KLHL2: variants seen among roughly 807,000 people sequenced by gnomAD.
The protein encoded by KLHL2 is kelch like family member 2.
Under a neutral mutation model 75.8 loss-of-function variants are expected in KLHL2, and 15 were observed. The observed-to-expected ratio is 0.20, with a 90% CI of 0.13 to 0.30. The LOEUF (loss-of-function observed/expected upper bound fraction) is 0.30. Ranked by LOEUF, KLHL2 falls within the 10% of genes least tolerant of loss-of-function variation. The pLI is 1.00. For synonymous variants in KLHL2, 214 were observed against 251.9 expected, an observed-to-expected ratio of 0.85 and a Z score of 1.42; for missense variants, 381 against 741.0, an observed-to-expected ratio of 0.51 and a Z score of 5.64.
rs571535293 is a variant in KLHL2 at position 165,226,530 on chromosome 4, A to G, written c.153-2277A>G. On this transcript the variant is annotated intron_variant, in intron 2 of 14. Transcript: ENST00000226725. ...ATTACGGTGCTTTCCACTTTATCCTATAATTTTTGCATTGCCAGTTTTTTC... is the reference window on the plus strand; with the variant it reads ...ATTACGGTGCTTTCCACTTTATCCTGTAATTTTTGCATTGCCAGTTTTTTC... Among the ~76,000 whole-genome samples, 4 of 152,062 alleles carry G rather than the reference A, an allele frequency of 2.6e-5. No individual in the cohort carries two copies. In the South Asian group the frequency reaches 8.3e-4, roughly 32 times the overall value.
intron 2 of KLHL2, among the ~76,000 whole-genome samples, chr4:165,224,259 A>G: frequency 6.6e-6 from 1 of 152,018 alleles, no homozygotes; most frequent in Non-Finnish European, 1.5e-5. Context: ...TTTTTAGGCT[A>G]TAGGATAAGA....
At chr4:165,251,063 A>C (rs1740664251) in intron 4 of KLHL2, among the ~76,000 whole-genome samples, 1 of 144,010 alleles carries the variant, frequency 6.9e-6, no homozygotes, top group African/African-American at 2.6e-5. Flanking sequence ...CTCTTATGGG[A>C]TAGAAGTCCT....
At position 165,210,266 on chromosome 4, in the gene KLHL2, T is replaced by C. The variant is rs1025430896; in HGVS notation, c.26+2364T>C. 9 of 1,306,144 alleles carry C rather than the reference T, an allele frequency of 6.9e-6. No homozygotes were observed. In the African/African-American group the frequency reaches 1.0e-4, roughly 15 times the overall value. The allele number at this position is 1,306,144 out of a possible 1,614,324, so 80.9% of individuals were successfully genotyped here. ...GCACTGTGCGTGGTGCTTTTGCTTG[T>C]GTTCTCTTTTAACATCCAAATTTAC... is the stretch of plus-strand genomic sequence containing the variant. On this transcript the variant is annotated intron_variant, in intron 1 of 14. Transcript: ENST00000226725.
At chr4:165,244,654 C>CAAAA (rs895827193) in intron 4 of KLHL2, among the ~76,000 whole-genome samples, 14 of 150,618 alleles carry the variant, frequency 9.3e-5, no homozygotes, top group Non-Finnish European at 1.5e-4. Flanking sequence ...AACAAACAAA[C>CAAAA]AAAAAAGGAA....
intron 5 of KLHL2, among the ~76,000 whole-genome samples, chr4:165,287,308 C>T (rs897400372): frequency 6.6e-6 from 1 of 152,136 alleles, no homozygotes; most frequent in Non-Finnish European, 1.5e-5. Flanking sequence ...AAGCTTCATC[C>T]ATGTTGCATT....
chr4:165,224,009 G>A lies in KLHL2; in HGVS notation c.152+3950G>A, dbSNP rs189415743. On this transcript the variant is annotated intron_variant, in intron 2 of 14. Transcript: ENST00000226725. Reference sequence around the variant, plus strand: ...AGCTCACTGCAACCTCCGACTCCTGGGTTCAAGCGATTGTCCCACCTCAGC... The same window carrying A: ...AGCTCACTGCAACCTCCGACTCCTGAGTTCAAGCGATTGTCCCACCTCAGC... 3 of 433,060 alleles carry A rather than the reference G, an allele frequency of 6.9e-6. No individual in the cohort carries two copies. The East Asian group carries it at 2.4e-4, about 34-fold the overall frequency. The allele number at this position is 433,060 out of a possible 1,614,324, so 26.8% of individuals were successfully genotyped here.
At chr4:165,209,989 T>A in intron 1 of KLHL2, 1 of 1,479,122 alleles carries the variant, frequency 6.8e-7, no homozygotes, top group Non-Finnish European at 9.0e-7. Flanking sequence ...TTGCAGGCAG[T>A]GTCTTTAGGA....
At chr4:165,260,486 G>T (rs1260955981) in intron 4 of KLHL2, among the ~76,000 whole-genome samples, 1 of 151,998 alleles carries the variant, frequency 6.6e-6, no homozygotes. Context: ...CTCCTAATAC[G>T]GTAGATCTGA....
intron 5 of KLHL2, among the ~76,000 whole-genome samples, chr4:165,292,048 T>C (rs889271909): frequency 6.6e-6 from 1 of 152,176 alleles, no homozygotes; most frequent in East Asian, 1.9e-4. Flanking sequence ...ATATAGTGTA[T>C]GTGCTATAGT....
intron 7 of KLHL2, among the ~76,000 whole-genome samples, chr4:165,299,003 G>A (rs1044284344): frequency 6.9e-6 from 1 of 144,972 alleles, no homozygotes; most frequent in Non-Finnish European, 1.5e-5. Flanking sequence ...TTGAGGTCAG[G>A]CTAGGCAGTA....
At chr4:165,264,647 CAT>C (rs1400267910) in intron 5 of KLHL2, among the ~76,000 whole-genome samples, 1 of 134,114 alleles carries the variant, frequency 7.5e-6, no homozygotes, top group Non-Finnish European at 1.6e-5. Flanking sequence ...TATGTACACA[CAT>C]GTATATACAT....
intron 2 of KLHL2, among the ~76,000 whole-genome samples, chr4:165,221,576 A>G (rs1411453951): frequency 1.3e-5 from 2 of 152,126 alleles, no homozygotes; most frequent in Non-Finnish European, 2.9e-5. Context: ...AGGTCCTGAA[A>G]TTTTGGTCTT....
At chr4:165,220,969 C>G (rs1014842012) in intron 2 of KLHL2, among the ~76,000 whole-genome samples, 1 of 152,044 alleles carries the variant, frequency 6.6e-6, no homozygotes, top group African/African-American at 2.4e-5. Context: ...TCCCAGCATT[C>G]CGTTTGTGAA....
chr4:165,270,884 C>T (rs886475441), intron 5 of KLHL2, among the ~76,000 whole-genome samples: 1 of 152,206 alleles, frequency 6.6e-6, no homozygotes, highest in Admixed American at 6.5e-5. Flanking sequence ...TTTAAGTCTG[C>T]AGAAGCGGTC....
At chr4:165,306,932 G>A (rs1274246213) in intron 9 of KLHL2, among the ~76,000 whole-genome samples, 4 of 152,126 alleles carry the variant, frequency 2.6e-5, no homozygotes, top group African/African-American at 4.8e-5. Context: ...TTAAAATTTT[G>A]TTTCTTGCAT....
rs568665479 is a variant in KLHL2, at chr4:165,310,248, A to C, written c.1040-305A>C. On this transcript the variant is annotated intron_variant, in intron 9 of 14. Transcript: ENST00000226725. ...GCTGAGGCAGGAGAATGGTGTGAACACGGGAGGCTGAGCTTGCAGTGAGCT... is the reference window on the plus strand; with the variant it reads ...GCTGAGGCAGGAGAATGGTGTGAACCCGGGAGGCTGAGCTTGCAGTGAGCT... Among the ~76,000 whole-genome samples the C allele has an allele frequency of 5.9e-5, 9 of 152,264 alleles. No individual in the cohort carries two copies. The East Asian group carries it at 1.2e-3, about 20-fold the overall frequency.
rs143271979 is a variant in KLHL2 at position 165,211,397 on chromosome 4, T to A, written c.26+3495T>A. ...ATGAAAACTTATTACATTGTCCTCATTTTGACATAGATCAGTAAAAAGTTC... is the reference window on the plus strand; with the variant it reads ...ATGAAAACTTATTACATTGTCCTCAATTTGACATAGATCAGTAAAAAGTTC... On this transcript the variant is annotated intron_variant, in intron 1 of 14. Transcript: ENST00000226725. Among the ~76,000 whole-genome samples, 1,063 of 152,318 alleles carry A rather than the reference T, an allele frequency of 7.0e-3. 15 individuals are homozygous for A. Among genetic ancestry groups the A allele is most frequent in the African/African-American group, 0.024 (1,007 of 41,558 alleles).
At chr4:165,278,535 A>G in intron 5 of KLHL2, 2 of 1,609,896 alleles carry the variant, frequency 1.2e-6, no homozygotes, top group Non-Finnish European at 8.5e-7. Flanking sequence ...GGCTCCCAAT[A>G]AGGTGCATAT....
chr4:165,306,358 A>G (rs935504825), intron 9 of KLHL2, among the ~76,000 whole-genome samples: 1 of 152,336 alleles, frequency 6.6e-6, no homozygotes, highest in African/African-American at 2.4e-5. Flanking sequence ...AGAGCTGTCT[A>G]GTGTTTTATT....
Sources: allele counts gnomAD v4.1 joint callset (sites outside exome capture counted in the v4.1 genomes callset), GRCh38; gene constraint gnomAD v4.1.1; transcripts MANE v1.5; gene names NCBI Gene and HGNC (gene_info 2026-07-23, HGNC 2026-07-21).